The following RBFOX1 variants were observed in gnomAD, a reference collection of about 807,000 sequenced individuals.
RBFOX1 encodes the protein RNA binding protein fox-1 homolog 1.
RBFOX1 carries 8 observed loss-of-function variants against 57.7 expected under a neutral mutation model. The ratio of observed to expected loss-of-function variants is 0.14; its 90% CI spans 0.08 to 0.25. The LOEUF is 0.25. RBFOX1 is among the 10% of genes least tolerant of loss of function. The pLI is 1.00. For missense variants in RBFOX1, 611 were observed against 548.5 expected (o/e 1.11, Z -1.14); for synonymous variants, 326 against 222.4 (o/e 1.47, Z -4.15).
intron 1 of RBFOX1, among the ~76,000 whole-genome samples, chr16:5,384,564 A>G (rs1479429649): frequency 6.6e-6 from 1 of 152,208 alleles, no homozygotes; most frequent in African/African-American, 2.4e-5. Flanking sequence ...TTAAGAGCCT[A>G]GAAACAGAAG....
At chr16:7,090,554 G>C (rs1947183175) in intron 4 of RBFOX1, among the ~76,000 whole-genome samples, 3 of 152,090 alleles carry the variant, frequency 2.0e-5, no homozygotes, top group South Asian at 4.2e-4. Flanking sequence ...TCCATCATTT[G>C]GTGTCATCTC....
At chr16:5,955,083 C>G (rs898410621) in intron 4 of RBFOX1, among the ~76,000 whole-genome samples, 4 of 120,606 alleles carry the variant, frequency 3.3e-5, no homozygotes, top group Admixed American at 2.3e-4. Flanking sequence ...GAGTTCAAGA[C>G]CAGCCTGGGC....
At chr16:7,199,205 A>C (rs2087613570) in intron 4 of RBFOX1, among the ~76,000 whole-genome samples, 1 of 152,210 alleles carries the variant, frequency 6.6e-6, no homozygotes, top group Admixed American at 6.5e-5. Flanking sequence ...ACTTCAGCAT[A>C]GAGGGGGACA....
intron 2 of RBFOX1, among the ~76,000 whole-genome samples, chr16:6,369,083 T>C (rs1032794312): frequency 5.9e-5 from 9 of 152,196 alleles, no homozygotes; most frequent in Non-Finnish European, 1.3e-4. Context: ...TATATGTATA[T>C]ATACATGTAT....
chr16:5,823,899 A>C (rs936667266), intron 3 of RBFOX1, among the ~76,000 whole-genome samples: 1 of 152,226 alleles, frequency 6.6e-6, no homozygotes, highest in African/African-American at 2.4e-5. Flanking sequence ...TGAAGGGCAC[A>C]ATAAACATAA....
chr16:5,720,519 A>G (rs2880429), intron 3 of RBFOX1, among the ~76,000 whole-genome samples: 85,800 of 151,990 alleles, frequency 0.56, 27,207 homozygotes, highest in Non-Finnish European at 0.73. Context: ...ACCTAAGCCA[A>G]GGTTGTAAAG....
intron 3 of RBFOX1, among the ~76,000 whole-genome samples, chr16:6,709,883 C>G (rs564859953): frequency 6.6e-6 from 1 of 152,016 alleles, no homozygotes; most frequent in African/African-American, 2.4e-5. Flanking sequence ...AGGGAACGGC[C>G]GGGGGCTACT....
At chr16:7,544,629 C>G (rs1259097289) in intron 5 of RBFOX1, among the ~76,000 whole-genome samples, 1 of 152,068 alleles carries the variant, frequency 6.6e-6, no homozygotes, top group Non-Finnish European at 1.5e-5. Context: ...TCCTTGAGAG[C>G]CTTCAGATGG....
rs193162680 is a variant in RBFOX1, at chr16:7,005,672, A to G, written c.-15-46385A>G. Among the ~76,000 whole-genome samples the G allele has an allele frequency of 4.6e-5, 7 of 152,310 alleles. No individual in the cohort carries two copies. In the East Asian group the frequency reaches 7.7e-4, roughly 17 times the overall value. The stretch of plus-strand genomic sequence containing the variant: ...TTGAACACAAACAATTTCATAGAAT[A>G]TCAGCATCAGACAAGGCCATCTCAG... On this transcript the variant is annotated intron_variant, in intron 3 of 15. Coordinates refer to ENST00000550418, the MANE Select transcript of RBFOX1 (RefSeq NM_018723.4).
chr16:6,718,507 C>G (rs146562032), intron 3 of RBFOX1, among the ~76,000 whole-genome samples: 1 of 152,214 alleles, frequency 6.6e-6, no homozygotes, highest in African/African-American at 2.4e-5. Flanking sequence ...CAATTAGTTC[C>G]AAAGTGAAAC....
chr16:5,271,354 C>G (rs1324281633), intron 1 of RBFOX1, among the ~76,000 whole-genome samples: 18 of 137,580 alleles, frequency 1.3e-4, no homozygotes, highest in Non-Finnish European at 2.9e-4. Flanking sequence ...AAGACCCTGT[C>G]TCTTATGCAT....
chr16:7,032,084 C>G (rs768778388), intron 3 of RBFOX1, among the ~76,000 whole-genome samples: 1 of 151,986 alleles, frequency 6.6e-6, no homozygotes, highest in South Asian at 2.1e-4. Context: ...TTCGGATGGC[C>G]GTAGTGTCCC....
chr16:7,047,047 C>CTTT (rs57082046), intron 3 of RBFOX1, among the ~76,000 whole-genome samples: 23 of 124,440 alleles, frequency 1.8e-4, no homozygotes, highest in Admixed American at 8.0e-4. Context: ...ATGCAATTTC[C>CTTT]TTTTTTTTTT....
intron 4 of RBFOX1, among the ~76,000 whole-genome samples, chr16:7,353,831 T>C (rs1407809431): frequency 6.6e-6 from 1 of 152,206 alleles, no homozygotes; most frequent in Non-Finnish European, 1.5e-5. Flanking sequence ...GATCCTTTTA[T>C]GGATATGGAT....
chr16:6,510,106 C>T (rs544726280), intron 2 of RBFOX1, among the ~76,000 whole-genome samples: 2 of 152,286 alleles, frequency 1.3e-5, no homozygotes, highest in East Asian at 3.9e-4. Context: ...CTGACTGTAA[C>T]TTCCTCTATC....
intron 2 of RBFOX1, among the ~76,000 whole-genome samples, chr16:6,506,017 T>A (rs1045414785): frequency 6.6e-6 from 1 of 152,176 alleles, no homozygotes; most frequent in Non-Finnish European, 1.5e-5. Flanking sequence ...CTGAGCTAAC[T>A]GGGATAGGTG....
At chr16:7,394,235 C>T (rs1385072912) in intron 4 of RBFOX1, among the ~76,000 whole-genome samples, 3 of 55,024 alleles carry the variant, frequency 5.5e-5, no homozygotes, top group Admixed American at 3.0e-4. Flanking sequence ...GACTCCGCAT[C>T]AAAAAAAAAA....
chr16:5,548,170 A>ATATATATATATGTATATATAT, intron 2 of RBFOX1, among the ~76,000 whole-genome samples: 1 of 40,714 alleles, frequency 2.5e-5, no homozygotes, highest in Admixed American at 3.8e-4. Flanking sequence ...AAAAAAAAAA[A>ATATATATATATGTATATATAT]AAAAATATAT....
At chr16:7,060,547 A>G (rs968050523) in intron 4 of RBFOX1, among the ~76,000 whole-genome samples, 1 of 152,230 alleles carries the variant, frequency 6.6e-6, no homozygotes, top group Non-Finnish European at 1.5e-5. Context: ...AATGGCTTTT[A>G]AAGAACAGAA....
Sources: allele counts gnomAD v4.1 joint callset (sites outside exome capture counted in the v4.1 genomes callset), GRCh38; gene constraint gnomAD v4.1.1; transcripts MANE v1.5; gene names NCBI Gene and HGNC (gene_info 2026-07-23, HGNC 2026-07-21).